The following CHST9 variants were observed in gnomAD, a reference collection of about 807,000 sequenced individuals.
CHST9 encodes the protein GalNAc-4-sulfotransferase 2.
Under a neutral mutation model 44.4 loss-of-function variants are expected in CHST9, and 41 were observed. The observed-to-expected ratio is 0.92, with a 90% CI of 0.72 to 1.20. The LOEUF is 1.20. CHST9 is among the 50% of genes most tolerant of loss of function. The pLI is 0.00. For missense variants in CHST9, 504 were observed against 516.5 expected, an observed-to-expected ratio of 0.98 and a Z score of 0.23; for synonymous variants, 171 against 178.4, an observed-to-expected ratio of 0.96 and a Z score of 0.33.
At chr18:27,009,753 A>G (rs1436391739) in intron 4 of CHST9, among the ~76,000 whole-genome samples, 1 of 152,222 alleles carries the variant, frequency 6.6e-6, no homozygotes, top group Non-Finnish European at 1.5e-5. Context: ...TAAATAAAAA[A>G]CATATCTTCT....
intron 4 of CHST9, among the ~76,000 whole-genome samples, chr18:26,981,144 A>C (rs1023323378): frequency 3.3e-5 from 5 of 152,220 alleles, no homozygotes; most frequent in African/African-American, 1.2e-4. Context: ...AGATTGGGAA[A>C]TTAGAATTGG....
chr18:27,180,738 A>C (rs2058905560), intron 1 of CHST9, among the ~76,000 whole-genome samples: 1 of 152,212 alleles, frequency 6.6e-6, no homozygotes, highest in South Asian at 2.1e-4. Flanking sequence ...CAACTGTAAA[A>C]TGAGGACACA....
intron 4 of CHST9, among the ~76,000 whole-genome samples, chr18:26,985,272 T>C (rs945929006): frequency 5.3e-5 from 8 of 152,176 alleles, no homozygotes; most frequent in Admixed American, 4.6e-4. Context: ...TCTAAACCAG[T>C]CAAAATGAAT....
chr18:26,916,468 C>T lies in CHST9; in HGVS notation c.1123G>A (p.Glu375Lys). ...DFVGKFETLE[E>K]DANYFLQMIG... Reference sequence around the variant, plus strand: ...ATCTGTAAAAAGTAATTGGCATCTTCTTCCAAAGTCTCAAATTTCCCTACA... The same window carrying T: ...ATCTGTAAAAAGTAATTGGCATCTTTTTCCAAAGTCTCAAATTTCCCTACA... Residue 375 changes from glutamate to lysine, a missense_variant, in exon 6 of 6, where the codon GAA becomes AAA. Glu to Lys is a moderately conservative substitution (Grantham distance 56). Transcript: ENST00000618847. 2.5e-6 allele frequency: 4 copies of T among 1,613,752 alleles called. No individual in the cohort carries two copies. Among genetic ancestry groups the T allele is most frequent in the Middle Eastern group, 1.6e-4 (1 of 6,062 alleles).
chr18:27,084,613 T>C (rs555092292), intron 2 of CHST9, among the ~76,000 whole-genome samples: 17 of 151,878 alleles, frequency 1.1e-4, no homozygotes, highest in African/African-American at 3.9e-4. Flanking sequence ...TTGGTCTCAT[T>C]GATCTTTTGT....
intron 4 of CHST9, among the ~76,000 whole-genome samples, chr18:26,996,492 G>C (rs1598624569): frequency 1.3e-5 from 2 of 152,270 alleles, no homozygotes; most frequent in South Asian, 4.2e-4. Flanking sequence ...CAGGATATGA[G>C]GGAGAGGAAA....
chr18:26,918,873 T>C (rs1226874759), intron 5 of CHST9, among the ~76,000 whole-genome samples: 1 of 152,048 alleles, frequency 6.6e-6, no homozygotes, highest in African/African-American at 2.4e-5. Context: ...TGTATTAGTC[T>C]GTTCTCATGC....
intron 5 of CHST9, among the ~76,000 whole-genome samples, chr18:26,922,786 C>A (rs757826643): frequency 1.2e-4 from 19 of 152,058 alleles, no homozygotes; most frequent in Non-Finnish European, 2.1e-4. Flanking sequence ...CAGGCGCATG[C>A]CACCACACCC....
intron 2 of CHST9, among the ~76,000 whole-genome samples, chr18:27,065,095 T>G (rs1293697234): frequency 6.6e-6 from 1 of 152,228 alleles, no homozygotes; most frequent in Non-Finnish European, 1.5e-5. Context: ...TATTTCATCT[T>G]GAAGACTGGA....
In CHST9 at chr18:26,906,701, A is replaced by T. The variant is rs1037624183; in HGVS notation, c.*9558T>A. On this transcript the variant is annotated 3_prime_UTR_variant, in exon 6 of 6. Transcript: ENST00000618847. ...CATGACAAGCCCCAGGCTCCTAACC[A>T]TCCTACATAGAATCCTGCTTCCCAA... 4.6e-5 allele frequency: 7 copies of T among 152,226 alleles called. No individual in the cohort carries two copies. Among genetic ancestry groups the T allele is most frequent in the African/African-American group, 1.4e-4 (6 of 41,534 alleles). 9.4% of individuals were successfully genotyped at this position (152,226 alleles called of 1,614,324 possible).
chr18:27,133,083 T>C (rs1267119668), intron 2 of CHST9, among the ~76,000 whole-genome samples: 2 of 152,192 alleles, frequency 1.3e-5, no homozygotes, highest in Non-Finnish European at 2.9e-5. Flanking sequence ...ACGATAAATT[T>C]ACTGTGCTCA....
chr18:27,040,661 T>TA (rs2057434798), intron 3 of CHST9, among the ~76,000 whole-genome samples: 2 of 152,292 alleles, frequency 1.3e-5, no homozygotes, highest in African/African-American at 2.4e-5. Context: ...TTCAGTTAAA[T>TA]AATCAGACAA....
At chr18:27,034,287 G>T (rs1002236287) in intron 3 of CHST9, among the ~76,000 whole-genome samples, 2 of 151,982 alleles carry the variant, frequency 1.3e-5, no homozygotes, top group African/African-American at 4.8e-5. Context: ...ATCAGCATGT[G>T]CTGTCAGTTT....
In CHST9 at chr18:26,924,528, T is replaced by A. The variant is rs1220574072; in HGVS notation, c.241-7178A>T. The A allele has an allele frequency of 4.2e-6, 3 of 707,224 alleles. No individual in the cohort carries two copies. The African/African-American group carries it at 5.8e-5, about 14-fold the overall frequency. The allele number at this position is 707,224 out of a possible 1,614,324, so 43.8% of individuals were successfully genotyped here. A position where few individuals can be genotyped will look rare whatever the true frequency, so the allele number is the denominator to read the frequency against. ...TGAAGGCACTGCCCAGGGAGTAATT[T>A]ATAATATTACTCTTAATAATGTATC... is the stretch of plus-strand genomic sequence containing the variant. On this transcript the variant is annotated intron_variant, in intron 5 of 5. Coordinates refer to ENST00000618847, the MANE Select transcript of CHST9 (RefSeq NM_031422.6).
At chr18:27,164,539 G>C (rs1404841684) in intron 1 of CHST9, among the ~76,000 whole-genome samples, 4 of 152,018 alleles carry the variant, frequency 2.6e-5, no homozygotes. Context: ...ACAAAATGAA[G>C]AAGACCATTA....
chr18:26,959,321 G>A (rs1287866565), intron 4 of CHST9, among the ~76,000 whole-genome samples: 1 of 152,182 alleles, frequency 6.6e-6, no homozygotes, highest in Non-Finnish European at 1.5e-5. Flanking sequence ...ACTAGAGGGA[G>A]GAGTGATGGA....
At chr18:26,935,992 ACT>A (rs2055983715) in intron 5 of CHST9, 1 of 152,142 alleles carries the variant, frequency 6.6e-6, no homozygotes, top group Non-Finnish European at 1.5e-5. Flanking sequence ...GAGGTAGAAA[ACT>A]CTCCAGGGTG....
chr18:27,079,707 C>T (rs1440154200), intron 2 of CHST9, among the ~76,000 whole-genome samples: 1 of 152,120 alleles, frequency 6.6e-6, no homozygotes, highest in Non-Finnish European at 1.5e-5. Context: ...TTCTACAGCC[C>T]GGAGATCGGG....
At chr18:27,011,440 T>C (rs911590385) in intron 4 of CHST9, among the ~76,000 whole-genome samples, 3 of 151,934 alleles carry the variant, frequency 2.0e-5, no homozygotes, top group African/African-American at 4.8e-5. Context: ...CAGGGCCCCA[T>C]GAAGAAAACT....
Sources: gnomAD v4.1 joint callset for allele counts (sites outside exome capture counted in the v4.1 genomes callset) on GRCh38, gnomAD v4.1.1 for gene constraint, MANE v1.5 for transcripts, NCBI Gene and HGNC (gene_info 2026-07-23, HGNC 2026-07-21) for gene names.